CCSER1: variants seen among roughly 807,000 people sequenced by gnomAD.
CCSER1 encodes the protein serine-rich coiled-coil domain-containing protein 1.
In CCSER1, 41 loss-of-function variants were observed where a neutral mutation model predicts 82.0. That is an observed-to-expected ratio of 0.50 (90% CI 0.39 to 0.65). The LOEUF is 0.65. CCSER1 is among the 30% of genes least tolerant of loss of function. The probability of loss-of-function intolerance (pLI) is 0.00; values close to 1 mark genes in which losing one functional copy is unlikely to be tolerated. For missense variants in CCSER1, 1,119 were observed against 1,064.2 expected (o/e 1.05, Z -0.72); for synonymous variants, 414 against 383.9 (o/e 1.08, Z -0.92).
chr4:90,574,251 A>AT (rs777629017), intron 5 of CCSER1, among the ~76,000 whole-genome samples: 1,013 of 86,094 alleles, frequency 0.012, 169 homozygotes, highest in East Asian at 0.018. Context: ...AAACACATTA[A>AT]TTTTTTTTTT....
intron 6 of CCSER1, among the ~76,000 whole-genome samples, chr4:90,657,025 C>T (rs1231115097): frequency 6.6e-6 from 1 of 151,946 alleles, no homozygotes; most frequent in Non-Finnish European, 1.5e-5. Context: ...TAAATATATG[C>T]CATTTTATTT....
intron 10 of CCSER1, among the ~76,000 whole-genome samples, chr4:91,383,715 C>G (rs1191037363): frequency 1.3e-5 from 2 of 151,988 alleles, no homozygotes; most frequent in Admixed American, 6.6e-5. Context: ...CCCCATTACA[C>G]TTTATTTGTT....
intron 9 of CCSER1, among the ~76,000 whole-genome samples, chr4:90,953,622 A>T (rs1418044975): frequency 1.3e-5 from 2 of 151,710 alleles, no homozygotes; most frequent in East Asian, 3.9e-4. Flanking sequence ...ATGTATGTTA[A>T]TATAGTTAAA....
At chr4:90,787,138 T>A (rs1754624506) in intron 7 of CCSER1, among the ~76,000 whole-genome samples, 1 of 152,162 alleles carries the variant, frequency 6.6e-6, no homozygotes, top group South Asian at 2.1e-4. Context: ...ATCCTAAAGC[T>A]CTTAGAACTT....
At chr4:90,664,506 C>T (rs1352824935) in intron 6 of CCSER1, among the ~76,000 whole-genome samples, 1 of 152,102 alleles carries the variant, frequency 6.6e-6, no homozygotes, top group East Asian at 1.9e-4. Context: ...AACATACTAC[C>T]TTGTGGTTCA....
chr4:91,279,719 T>C (rs1294490304), intron 10 of CCSER1, among the ~76,000 whole-genome samples: 1 of 152,160 alleles, frequency 6.6e-6, no homozygotes, highest in Non-Finnish European at 1.5e-5. Flanking sequence ...ATAACACTAC[T>C]TTGAATTATT....
At chr4:90,131,029 T>G (rs1722736094) in intron 1 of CCSER1, among the ~76,000 whole-genome samples, 1 of 150,256 alleles carries the variant, frequency 6.7e-6, no homozygotes, top group Non-Finnish European at 1.5e-5. Flanking sequence ...TGGAGTTTCG[T>G]TCTTGTCGCC....
chr4:90,259,062 T>G (rs1415447372), intron 1 of CCSER1, among the ~76,000 whole-genome samples: 2 of 152,214 alleles, frequency 1.3e-5, no homozygotes, highest in Non-Finnish European at 2.9e-5. Context: ...ATCTGCAGGT[T>G]GCTTCAGGCA....
chr4:91,316,591 A>T (rs1486282119), intron 10 of CCSER1, among the ~76,000 whole-genome samples: 3 of 151,878 alleles, frequency 2.0e-5, no homozygotes. Context: ...ATTATTCTTG[A>T]CCCCTCCATT....
At chr4:90,173,528 A>G (rs1452127682) in intron 1 of CCSER1, among the ~76,000 whole-genome samples, 5 of 151,886 alleles carry the variant, frequency 3.3e-5, no homozygotes, top group Admixed American at 2.0e-4. Context: ...CACCTCCCAG[A>G]TAAGTAGGAG....
At chr4:90,538,049 G>A (rs1775633204) in intron 5 of CCSER1, among the ~76,000 whole-genome samples, 1 of 151,972 alleles carries the variant, frequency 6.6e-6, no homozygotes, top group Non-Finnish European at 1.5e-5. Context: ...TTTAAATTGT[G>A]CTTACTTAGA....
chr4:90,246,333 G>T (rs1291981530), intron 1 of CCSER1, among the ~76,000 whole-genome samples: 2 of 152,056 alleles, frequency 1.3e-5, no homozygotes, highest in Non-Finnish European at 2.9e-5. Context: ...GGTTTGATTG[G>T]TTTGTTAACA....
intron 5 of CCSER1, among the ~76,000 whole-genome samples, chr4:90,623,040 T>A (rs1722624641): frequency 1.3e-5 from 2 of 148,942 alleles, no homozygotes; most frequent in South Asian, 4.2e-4. Flanking sequence ...TTTTTTTTTT[T>A]TTTTTGAGAC....
chr4:90,973,126 T>C (rs2150403369), intron 9 of CCSER1, among the ~76,000 whole-genome samples: 1 of 151,776 alleles, frequency 6.6e-6, no homozygotes, highest in South Asian at 2.1e-4. Context: ...ACATGACCCC[T>C]AAAGTACAGA....
intron 10 of CCSER1, among the ~76,000 whole-genome samples, chr4:91,531,714 G>C (rs915253030): frequency 1.3e-5 from 2 of 152,128 alleles, no homozygotes; most frequent in African/African-American, 4.8e-5. Flanking sequence ...CTTGCTCTCT[G>C]CTTCTAAGAT....
intron 10 of CCSER1, among the ~76,000 whole-genome samples, chr4:91,265,943 C>T (rs1348569711): frequency 1.3e-5 from 2 of 151,986 alleles, no homozygotes; most frequent in African/African-American, 2.4e-5. Context: ...TGAGGGAAGG[C>T]AAAAGGCACT....
chr4:90,171,762 A>G (rs1175774169), intron 1 of CCSER1, among the ~76,000 whole-genome samples: 2 of 151,918 alleles, frequency 1.3e-5, no homozygotes, highest in African/African-American at 4.8e-5. Context: ...AGAGTTCTGC[A>G]TAAACATGCT....
At chr4:91,150,052 C>G (rs917435220) in intron 10 of CCSER1, among the ~76,000 whole-genome samples, 7 of 152,154 alleles carry the variant, frequency 4.6e-5, no homozygotes, top group Non-Finnish European at 7.3e-5. Context: ...GGCATTGAAT[C>G]TATAAATTAC....
chr4:90,309,660 C>T (rs1734956859), intron 2 of CCSER1, 52 bp downstream of exon 2: 2 of 1,355,094 alleles, frequency 1.5e-6, no homozygotes, highest in Non-Finnish European at 9.9e-7. Flanking sequence ...TTTCATTATA[C>T]TTTATTCAGT....
Sources: gnomAD v4.1 joint callset for allele counts (sites outside exome capture counted in the v4.1 genomes callset) on GRCh38, gnomAD v4.1.1 for gene constraint, MANE v1.5 for transcripts, NCBI Gene and HGNC (gene_info 2026-07-23, HGNC 2026-07-21) for gene names.